The following TMEM222 variants were observed in gnomAD, a reference collection of about 807,000 sequenced individuals.
TMEM222 encodes the protein chromosome 1 open reading frame 160.
A neutral mutation model predicts 25.1 loss-of-function variants in TMEM222; 18 were observed. The ratio of observed to expected loss-of-function variants is 0.72; its 90% CI spans 0.50 to 1.06. The LOEUF (loss-of-function observed/expected upper bound fraction) is 1.06. Among genes scored for constraint, TMEM222 ranks in the 50% least tolerant of loss-of-function variants. TMEM222 has a pLI of 0.00. For synonymous variants in TMEM222, 131 were observed against 117.9 expected (o/e 1.11, Z -0.72); for missense variants, 296 against 293.7 (o/e 1.01, Z -0.06).
intron 2 of TMEM222, 170 bp downstream of exon 2, chr1:27,330,974 C>A: frequency 6.7e-7 from 1 of 1,500,024 alleles, no homozygotes; most frequent in Admixed American, 2.4e-5. Context: ...TCCCCCTTCT[C>A]TTGCCTCCAG....
At chr1:27,325,810 C>T (rs1571006029) in intron 1 of TMEM222, 9 of 798,788 alleles carry the variant, frequency 1.1e-5, no homozygotes, top group South Asian at 6.7e-5. Context: ...GACTGCGAGC[C>T]GATGCGTAGC....
At chr1:27,334,771 C>T in intron 5 of TMEM222, 1 of 1,154,008 alleles carries the variant, frequency 8.7e-7, no homozygotes. Flanking sequence ...GCTGATCTGG[C>T]CGCCTCTCCA....
chr1:27,331,949 T>G, intron 2 of TMEM222, 121 bp from the exon 3 acceptor site: 4 of 814,980 alleles, frequency 4.9e-6, no homozygotes, highest in East Asian at 2.7e-5. Flanking sequence ...AGGCCCCACT[T>G]CTGGCCCCCC....
intron 1 of TMEM222, among the ~76,000 whole-genome samples, chr1:27,326,773 A>C (rs1034188418): frequency 2.6e-5 from 4 of 152,030 alleles, no homozygotes; most frequent in South Asian, 4.1e-4. Flanking sequence ...TGAGTCATTT[A>C]TTCATTTATT....
Position 27,322,276 on chromosome 1 carries a change from C to G in TMEM222, c.79C>G (p.Pro27Ala). 6.5e-7 allele frequency: 1 copy of G among 1,546,200 alleles called. No homozygotes were observed. Among genetic ancestry groups the G allele is most frequent in the African/African-American group, 1.4e-5 (1 of 72,176 alleles). The change falls in exon 1 of 6, where the codon CCG (proline) becomes GCG (alanine). Residue 27 changes from proline to alanine, a missense_variant. Physicochemically the swap from Pro to Ala is conservative, Grantham distance 27 (BLOSUM62 -1). Coordinates refer to ENST00000374076, the MANE Select transcript of TMEM222 (RefSeq NM_032125.3). The stretch of plus-strand genomic sequence containing the variant: ...GCCCAGGATGGCGGAAGTGGAGGCG[C>G]CGACGGCGGCCGAGACGGACATGAA... The part of the protein sequence containing the change: ...PPPRMAEVEA[P>A]TAAETDMKQY...
chr1:27,323,147 C>T (rs1342154574), intron 1 of TMEM222, among the ~76,000 whole-genome samples: 1 of 152,174 alleles, frequency 6.6e-6, no homozygotes, highest in African/African-American at 2.4e-5. Context: ...ATTAAACATC[C>T]ATTTTCTAAG....
intron 1 of TMEM222, among the ~76,000 whole-genome samples, chr1:27,323,643 C>T (rs1299329104): frequency 2.0e-5 from 3 of 152,102 alleles, no homozygotes; most frequent in Admixed American, 1.3e-4. Context: ...CATAGTGGCA[C>T]GTGCCTGTAA....
chr1:27,333,657 GC>G (rs558130081), intron 3 of TMEM222: 181 of 434,216 alleles, frequency 4.2e-4, no homozygotes, highest in Non-Finnish European at 6.8e-4. Context: ...CCTCCCAAAG[GC>G]CCCACCTCCT....
chr1:27,330,976 T>C, intron 2 of TMEM222, 172 bp downstream of exon 2: 1 of 1,498,082 alleles, frequency 6.7e-7, no homozygotes. Flanking sequence ...CCCCTTCTCT[T>C]GCCTCCAGGA....
chr1:27,323,641 C>T (rs1421959004), intron 1 of TMEM222, among the ~76,000 whole-genome samples: 2 of 152,176 alleles, frequency 1.3e-5, no homozygotes, highest in Admixed American at 1.3e-4. Flanking sequence ...GGCATAGTGG[C>T]ACGTGCCTGT....
At chr1:27,327,148 T>C (rs967303117) in intron 1 of TMEM222, among the ~76,000 whole-genome samples, 3 of 152,166 alleles carry the variant, frequency 2.0e-5, no homozygotes, top group African/African-American at 4.8e-5. Context: ...ATAGTGCTTA[T>C]GTATTGAACA....
At chr1:27,331,952 G>C in intron 2 of TMEM222, 118 bp from the exon 3 acceptor site, 2 of 1,038,496 alleles carry the variant, frequency 1.9e-6, no homozygotes, top group Non-Finnish European at 1.5e-6. Flanking sequence ...CCCCACTTCT[G>C]GCCCCCCCAC....
chr1:27,323,974 G>C (rs1340915270), intron 1 of TMEM222, among the ~76,000 whole-genome samples: 1 of 152,160 alleles, frequency 6.6e-6, no homozygotes, highest in African/African-American at 2.4e-5. Context: ...AAACAAGTAA[G>C]CTAATAAAAG....
rs577240001 is a variant in TMEM222 at position 27,335,585 on chromosome 1, G to C, written c.*119G>C. The C allele has an allele frequency of 1.0e-6, 1 of 963,784 alleles. No individual in the cohort carries two copies. Among genetic ancestry groups the C allele is most frequent in the African/African-American group, 1.6e-5 (1 of 62,000 alleles). The allele number at this position is 963,784 out of a possible 1,614,324, so 59.7% of individuals were successfully genotyped here. On this transcript the variant is annotated 3_prime_UTR_variant, in exon 6 of 6. Transcript: ENST00000374076. ...AGGGTTGGGCCTGCTGTTGTGGACC[G>C]GGGGTCGGGGCTGGCAGGATGGAAG... is the stretch of plus-strand genomic sequence containing the variant.
chr1:27,332,647 T>C (rs1571012832), intron 3 of TMEM222: 2 of 649,950 alleles, frequency 3.1e-6, no homozygotes, highest in African/African-American at 1.8e-5. Context: ...CTGGTGAGAG[T>C]GCCTCAGTCA....
intron 3 of TMEM222, chr1:27,332,846 C>A: frequency 2.7e-6 from 1 of 367,094 alleles, no homozygotes; most frequent in Non-Finnish European, 5.1e-6. Context: ...TGCCAGACTG[C>A]TCTTCAAGGA....
intron 2 of TMEM222, 89 bp downstream of exon 2, chr1:27,330,893 G>A: frequency 6.3e-7 from 1 of 1,595,286 alleles, no homozygotes. Context: ...CGTCTCCCCA[G>A]ACCCAGGAGA....
At chr1:27,330,834 T>C (rs953106775) in intron 2 of TMEM222, 30 bp downstream of exon 2, 6 of 1,611,448 alleles carry the variant, frequency 3.7e-6, no homozygotes, top group Non-Finnish European at 5.1e-6. Flanking sequence ...ACCCGGGGGG[T>C]TCCAAGGTTT....
rs762880947 is a variant in TMEM222 at position 27,325,588 on chromosome 1, C to G, written c.194+3197C>G. ...CTATCCAGAGGCACCACCATGTACCCGGGCATCACCGACAGGATGCAGAAG... is the reference window on the plus strand; with the variant it reads ...CTATCCAGAGGCACCACCATGTACCGGGGCATCACCGACAGGATGCAGAAG... On this transcript the variant is annotated intron_variant, in intron 1 of 5. Coordinates refer to ENST00000374076, the MANE Select transcript of TMEM222 (RefSeq NM_032125.3). 5.2e-5 allele frequency: 52 copies of G among 996,906 alleles called. No individual in the cohort carries two copies. The African/African-American group carries it at 7.0e-4, about 13-fold the overall frequency. The allele number at this position is 996,906 out of a possible 1,614,324, so 61.8% of individuals were successfully genotyped here. A position where few individuals can be genotyped will look rare whatever the true frequency, so the allele number is the denominator to read the frequency against.
Sources: gnomAD v4.1 joint callset for allele counts (sites outside exome capture counted in the v4.1 genomes callset) on GRCh38, gnomAD v4.1.1 for gene constraint, MANE v1.5 for transcripts, NCBI Gene and HGNC (gene_info 2026-07-23, HGNC 2026-07-21) for gene names.